The following RIPOR1 variants were observed in gnomAD, a reference collection of about 807,000 sequenced individuals.
RIPOR1 encodes rho family-interacting cell polarization regulator 1.
Under a neutral mutation model 116.5 loss-of-function variants are expected in RIPOR1, and 58 were observed. The observed-to-expected ratio is 0.50, with a 90% CI of 0.40 to 0.62. The LOEUF is 0.62. RIPOR1 is among the 20% of genes least tolerant of loss of function. The pLI is 0.00. For synonymous variants in RIPOR1, 605 were observed against 650.0 expected, an observed-to-expected ratio of 0.93 and a Z score of 1.05; for missense variants, 1,372 against 1,586.2, an observed-to-expected ratio of 0.86 and a Z score of 2.29.
chr16:67,525,623 C>G (rs373139764), upstream of RIPOR1, among the ~76,000 whole-genome samples: 2 of 152,044 alleles, frequency 1.3e-5, no homozygotes, highest in Non-Finnish European at 2.9e-5. Flanking sequence ...GGGTTCATTG[C>G]GGCTCTCACC....
rs757018751 is a variant in RIPOR1, at chr16:67,540,234, G to A, written c.567+29G>A. The A allele has an allele frequency of 6.2e-7, 1 of 1,613,872 alleles. No homozygotes were observed. On this transcript the variant is annotated intron_variant, in intron 7 of 21. Coordinates refer to ENST00000042381, the MANE Select transcript of RIPOR1 (RefSeq NM_024519.4). This position sits in a 1 kb window ranked among gnomAD's most constrained non-coding sequence, Gnocchi z 4.7. ...AGGGATGGGGGCCCATGAGGCAGAG[G>A]CACAGGGTGTGGCAGGGCTAGTGGC...
chr16:67,526,073 C>T (rs2050537321), upstream of RIPOR1, among the ~76,000 whole-genome samples: 1 of 152,148 alleles, frequency 6.6e-6, no homozygotes, highest in Admixed American at 6.6e-5. Context: ...GGTGAACTCC[C>T]AGGTGTTCCA....
intron 4 of RIPOR1, 141 bp from the exon 5 acceptor site, chr16:67,539,587 G>C (rs1450026719): frequency 2.9e-6 from 3 of 1,016,998 alleles, no homozygotes; most frequent in Non-Finnish European, 4.6e-6. Flanking sequence ...TAGACCAGCA[G>C]GAAGGGGCGT....
At chr16:67,524,240 T>C (rs1223756019), upstream of RIPOR1, among the ~76,000 whole-genome samples, 3 of 152,314 alleles carry the variant, frequency 2.0e-5, no homozygotes, top group African/African-American at 7.2e-5. Flanking sequence ...AGGACTTGAA[T>C]GTGGAGCAGC....
At position 67,545,183 on chromosome 16, in the gene RIPOR1, C is replaced by T. The variant is rs953195429; in HGVS notation, c.3031+66C>T. 1.6e-5 allele frequency: 25 copies of T among 1,587,466 alleles called. No homozygotes were observed. Among genetic ancestry groups the T allele is most frequent in the Non-Finnish European group, 2.1e-5 (24 of 1,167,040 alleles). ...CCAGTGACAGGAAGCTCGGGGAAGC[C>T]AGGTCAGCCCACACAGATAAACGAA... On this transcript the variant is annotated intron_variant, in intron 17 of 21. Transcript: ENST00000042381. This position sits in a 1 kb window ranked among gnomAD's most constrained non-coding sequence, Gnocchi z 4.8.
Position 67,537,473 on chromosome 16 carries a change from A to G in RIPOR1, c.-23-951A>G. On this transcript the variant is annotated intron_variant, in intron 1 of 21. Coordinates refer to ENST00000042381, the MANE Select transcript of RIPOR1 (RefSeq NM_024519.4). The surrounding 1 kb of genome is among the most constrained non-coding windows in gnomAD (Gnocchi z 4.6). The stretch of plus-strand genomic sequence containing the variant: ...CGCCGGGAGGAGCCGAAGCCGAGCC[A>G]GAGCCGCTGGGAGCGAGCCCGGAGC... 8.0e-7 allele frequency: 1 copy of G among 1,249,396 alleles called. No homozygotes were observed. Among genetic ancestry groups the G allele is most frequent in the Admixed American group, 4.3e-5 (1 of 23,506 alleles). 77.4% of individuals were successfully genotyped at this position (1,249,396 alleles called of 1,614,324 possible). A position where few individuals can be genotyped will look rare whatever the true frequency, so the allele number is the denominator to read the frequency against.
Position 67,542,501 on chromosome 16 carries a change from G to C in RIPOR1, c.1715G>C (p.Gly572Ala), listed in dbSNP as rs893703687. The change falls in exon 13 of 22, where the codon GGC (glycine) becomes GCC (alanine). Residue 572 changes from glycine to alanine, a missense_variant. Transcript: ENST00000042381. This position sits in a 1 kb window ranked among gnomAD's most constrained non-coding sequence, Gnocchi z 4.6. ...APSPLTHTTT[G>A]STHKPIISTL... ...AGCCCCCTCACTCACACTACTACAG[G>C]CTCCACCCACAAGCCCATAATCTCT... 5.0e-6 allele frequency: 8 copies of C among 1,613,440 alleles called. No individual in the cohort carries two copies. Among genetic ancestry groups the C allele is most frequent in the Non-Finnish European group, 6.8e-6 (8 of 1,179,872 alleles).
In RIPOR1 at chr16:67,542,040, G is replaced by T; in HGVS notation, c.1254G>T (p.Arg418Ser). 3 of 1,607,250 alleles carry T rather than the reference G, an allele frequency of 1.9e-6. No homozygotes were observed. Among genetic ancestry groups the T allele is most frequent in the Non-Finnish European group, 2.6e-6 (3 of 1,175,214 alleles). The change falls in exon 13 of 22, where the codon AGG (arginine) becomes AGT (serine). Residue 418 changes from arginine (R) to serine (S), a missense_variant. By Grantham distance (110) the Arg-to-Ser change is moderately radical. Coordinates refer to ENST00000042381, the MANE Select transcript of RIPOR1 (RefSeq NM_024519.4). This position sits in a 1 kb window ranked among gnomAD's most constrained non-coding sequence, Gnocchi z 4.6. The part of the protein sequence containing the change: ...EPLPIQVAFR[R>S]PETPSSGPLD... ...TTCCCATCCAAGTTGCCTTCCGCAG[G>T]CCTGAGACCCCCAGCTCTGGGCCCT... is the stretch of plus-strand genomic sequence containing the variant.
intron 1 of RIPOR1, among the ~76,000 whole-genome samples, chr16:67,522,805 C>T (rs1008778302): frequency 1.3e-5 from 2 of 152,036 alleles, no homozygotes; most frequent in Non-Finnish European, 2.9e-5. Flanking sequence ...CCCAACCCCC[C>T]GCCTTTGCTG....
chr16:67,543,741 T>C lies in RIPOR1; in HGVS notation c.2600+272T>C. The C allele has an allele frequency of 2.0e-6, 1 of 508,198 alleles. No homozygotes were observed. The allele number at this position is 508,198 out of a possible 1,614,324, so 31.5% of individuals were successfully genotyped here. ...CTGCAATGTCTGCCTCCCCTGCCGGTCCCCATCAGCTTGGGTGCCTCCAGC... is the reference window on the plus strand; with the variant it reads ...CTGCAATGTCTGCCTCCCCTGCCGGCCCCCATCAGCTTGGGTGCCTCCAGC... On this transcript the variant is annotated intron_variant, in intron 14 of 21. Coordinates refer to ENST00000042381, the MANE Select transcript of RIPOR1 (RefSeq NM_024519.4). The surrounding 1 kb of genome is among the most constrained non-coding windows in gnomAD (Gnocchi z 4.7).
intron 1 of RIPOR1, among the ~76,000 whole-genome samples, chr16:67,533,857 G>A (rs1282460971): frequency 6.7e-6 from 1 of 149,882 alleles, no homozygotes; most frequent in Non-Finnish European, 1.5e-5. Flanking sequence ...GCCCAGGCTG[G>A]AGTGCAATGG....
chr16:67,542,346 C>T lies in RIPOR1; in HGVS notation c.1560C>T (p.Asp520=). ...CAGGCTCTGTCCCCACATCTACAGA[C>T]CCTGCCCCATCTGCACACCTAGACT... ...GTTGSVPTST[D]PAPSAHLDSV... The change falls in exon 13 of 22, where the codon GAC becomes GAT. Residue 520 remains aspartate, a synonymous_variant. Coordinates refer to ENST00000042381, the MANE Select transcript of RIPOR1 (RefSeq NM_024519.4). This position sits in a 1 kb window ranked among gnomAD's most constrained non-coding sequence, Gnocchi z 4.6. The T allele has an allele frequency of 1.4e-5, 22 of 1,613,930 alleles. No individual in the cohort carries two copies. The highest frequency in any genetic ancestry group is 1.9e-5 in the Non-Finnish European group (22 of 1,179,960).
At position 67,543,484 on chromosome 16, in the gene RIPOR1, C is replaced by A. The variant is rs376804719; in HGVS notation, c.2600+15C>A. Reference sequence around the variant, plus strand: ...CCTGGGGACAGGTGAGGGGGCTAGGCAAGATGGGTGTGAGGCTAGGTGAGA... The same window carrying A: ...CCTGGGGACAGGTGAGGGGGCTAGGAAAGATGGGTGTGAGGCTAGGTGAGA... On this transcript the variant is annotated intron_variant, in intron 14 of 21. Transcript: ENST00000042381. The surrounding 1 kb of genome is among the most constrained non-coding windows in gnomAD (Gnocchi z 4.7). 1,239 of 1,548,452 alleles carry A rather than the reference C, an allele frequency of 8.0e-4. 1 individual carries two copies. The highest frequency in any genetic ancestry group is 1.0e-3 in the Non-Finnish European group (1,162 of 1,147,024).
In RIPOR1 at chr16:67,545,751, A is replaced by T; in HGVS notation, c.3278A>T (p.Asp1093Val). 6.2e-7 allele frequency: 1 copy of T among 1,611,568 alleles called. No homozygotes were observed. Among genetic ancestry groups the T allele is most frequent in the Non-Finnish European group, 8.5e-7 (1 of 1,178,886 alleles). Reference protein sequence around the residue: ...RLAPEGRLRRDGLRALSSLLV... With the variant: ...RLAPEGRLRRVGLRALSSLLV... ...GCGCCCGAGGGGCGTCTGCGAAGGG[A>T]CGGGCTGCGGGCCCTCAGCTCCCTG... Residue 1093 changes from aspartate to valine, a missense_variant, in exon 19 of 22, where the codon GAC (aspartate) becomes GTC (valine). Around this residue, in one of 3 missense-constraint regions of RIPOR1, gnomAD observed 1,005 missense variants for 1,144.7 expected, o/e 0.88. Coordinates refer to ENST00000042381, the MANE Select transcript of RIPOR1 (RefSeq NM_024519.4). This position sits in a 1 kb window ranked among gnomAD's most constrained non-coding sequence, Gnocchi z 4.8.
chr16:67,534,207 T>C (rs937362493), intron 1 of RIPOR1, among the ~76,000 whole-genome samples: 1 of 151,726 alleles, frequency 6.6e-6, no homozygotes, highest in Non-Finnish European at 1.5e-5. Flanking sequence ...CTCAGCTCAC[T>C]GCCTCCTGGG....
In RIPOR1 at chr16:67,529,744, C is replaced by T; in HGVS notation, c.-24+830C>T. ...CTGTGCGCAGCCTCGTGTAACAATA[C>T]TTGTGCCCTGGCTGCAGTCTGCGGG... On this transcript the variant is annotated intron_variant, in intron 1 of 21. Coordinates refer to ENST00000042381, the MANE Select transcript of RIPOR1 (RefSeq NM_024519.4). The surrounding 1 kb of genome is among the most constrained non-coding windows in gnomAD (Gnocchi z 4.1). 1.3e-6 allele frequency: 2 copies of T among 1,533,600 alleles called. No individual in the cohort carries two copies. The highest frequency in any genetic ancestry group is 1.7e-6 in the Non-Finnish European group (2 of 1,146,250). The allele number at this position is 1,533,600 out of a possible 1,614,324, so 95.0% of individuals were successfully genotyped here. A position where few individuals can be genotyped will look rare whatever the true frequency, so the allele number is the denominator to read the frequency against.
chr16:67,534,535 G>C (rs968149328), intron 1 of RIPOR1, among the ~76,000 whole-genome samples: 1 of 152,168 alleles, frequency 6.6e-6, no homozygotes, highest in African/African-American at 2.4e-5. Flanking sequence ...CACTCATATA[G>C]AATCAGGAAA....
chr16:67,519,954 C>T (rs984787485), intron 1 of RIPOR1, among the ~76,000 whole-genome samples: 10 of 144,970 alleles, frequency 6.9e-5, no homozygotes, highest in Admixed American at 1.4e-4. Flanking sequence ...CCCAGCTACT[C>T]GGGAGGCTGA....
In RIPOR1 at chr16:67,545,682, T is replaced by C. The variant is rs1349655698; in HGVS notation, c.3209T>C (p.Leu1070Pro). Residue 1070 changes from leucine (L) to proline (P), a missense_variant, in exon 19 of 22, where the codon CTG (leucine) becomes CCG (proline). Leu to Pro is a moderately conservative substitution (Grantham distance 98, BLOSUM62 -3). This residue lies in a region of RIPOR1 where 1,005 missense variants were observed against 1,144.7 expected (regional missense o/e 0.88). Coordinates refer to ENST00000042381, the MANE Select transcript of RIPOR1 (RefSeq NM_024519.4). This position sits in a 1 kb window ranked among gnomAD's most constrained non-coding sequence, Gnocchi z 4.8. ...TTTTCAGTGCTACTGGTGCGGAATC[T>C]GAACTCGGATGATCAGGCTGTTGTG... ...TAEEVLLVRNLNSDDQAVVLK... is the reference protein window; with the variant it reads ...TAEEVLLVRNPNSDDQAVVLK... 7 of 1,569,388 alleles carry C rather than the reference T, an allele frequency of 4.5e-6. No homozygotes were observed. The highest frequency in any genetic ancestry group is 6.1e-6 in the Non-Finnish European group (7 of 1,156,578).
Sources: allele counts gnomAD v4.1 joint callset (sites outside exome capture counted in the v4.1 genomes callset), GRCh38; gene constraint gnomAD v4.1.1; regional missense constraint gnomAD v4.1.1; non-coding constraint Gnocchi (gnomAD v3.1); transcripts MANE v1.5; gene names NCBI Gene and HGNC (gene_info 2026-07-23, HGNC 2026-07-21).